Variants in FAAH2 observed in about 807,000 individuals in gnomAD.
FAAH2 encodes the protein fatty acid amide hydrolase 2.
In FAAH2, 60 loss-of-function variants were observed where a neutral mutation model predicts 36.9. The observed-to-expected ratio is 1.63, with a 90% CI of 1.32 to 2.02. The LOEUF (loss-of-function observed/expected upper bound fraction) is 2.02, where lower values mean the gene tolerates loss of function less well. Among genes scored for constraint, FAAH2 ranks in the 30% most tolerant of loss-of-function variants. The probability of loss-of-function intolerance (pLI) is 0.00; values close to 1 mark genes in which losing one functional copy is unlikely to be tolerated. For missense variants in FAAH2, 689 were observed against 397.5 expected (o/e 1.73, Z -6.23); for synonymous variants, 214 against 143.8 (o/e 1.49, Z -3.49).
chrX:57,356,715 G>GT (rs911900028), intron 5 of FAAH2, among the ~76,000 whole-genome samples: 3 of 109,370 alleles, frequency 2.7e-5, no homozygotes, highest in Admixed American at 1.9e-4. Flanking sequence ...TAATTTTGTT[G>GT]TTTTTTCTGT....
intron 5 of FAAH2, among the ~76,000 whole-genome samples, chrX:57,361,606 T>C (rs1031732936): frequency 3.6e-5 from 4 of 111,524 alleles, no homozygotes; most frequent in Non-Finnish European, 7.5e-5. Context: ...AAATTCCTCT[T>C]GTTATTGATT....
chrX:57,445,645 G>A (rs1190200719), intron 8 of FAAH2, among the ~76,000 whole-genome samples: 1 of 111,858 alleles, frequency 8.9e-6, no homozygotes, highest in East Asian at 2.8e-4. Context: ...TGTTATTGGG[G>A]ACTTCAGGAA....
the FAAH2 span, among the ~76,000 whole-genome samples, chrX:57,190,389 T>G: frequency 1.9e-5 from 2 of 107,436 alleles, no homozygotes; most frequent in Non-Finnish European, 3.8e-5. Flanking sequence ...TTCAGCCCCC[T>G]TTCCAGGGCA....
chrX:57,171,625 T>C, the FAAH2 span, among the ~76,000 whole-genome samples: 17 of 111,803 alleles, frequency 1.5e-4, no homozygotes, highest in Non-Finnish European at 3.0e-4. Flanking sequence ...TTTTTATTGC[T>C]GATTTGTTCG....
At chrX:57,434,453 G>A (rs1248225940) in intron 8 of FAAH2, among the ~76,000 whole-genome samples, 3 of 109,174 alleles carry the variant, frequency 2.7e-5, no homozygotes, top group African/African-American at 1.0e-4. Flanking sequence ...TTACTAAGAA[G>A]GTAGATTTTC....
chrX:57,466,494 A>G (rs777639433), intron 10 of FAAH2, among the ~76,000 whole-genome samples: 1 of 108,385 alleles, frequency 9.2e-6, no homozygotes, highest in Non-Finnish European at 1.9e-5. Context: ...AAAACGAGGC[A>G]TATAGAAAAC....
At chrX:57,478,627 C>T (rs763023320) in intron 10 of FAAH2, among the ~76,000 whole-genome samples, 25 of 111,572 alleles carry the variant, frequency 2.2e-4, no homozygotes, top group African/African-American at 7.5e-4. Context: ...TTAGGTGTAA[C>T]GTTTAAGTCT....
At chrX:57,179,262 A>T in the FAAH2 span, among the ~76,000 whole-genome samples, 3 of 111,986 alleles carry the variant, frequency 2.7e-5, no homozygotes, top group Non-Finnish European at 5.6e-5. Context: ...TGTCAAAGCC[A>T]CACATATCAA....
rs750362385 is a variant in FAAH2, at chrX:57,438,341, A to G, written c.1116+6304A>G. ...GTAGATGACACAAATAAATGGAGAA[A>G]CATCCCATGCTATTGGATTGGAAGA... On this transcript the variant is annotated intron_variant, in intron 8 of 10. Transcript: ENST00000374900. Among the ~76,000 whole-genome samples, 5 of 107,266 alleles carry G rather than the reference A, an allele frequency of 4.7e-5. No homozygotes were observed. The East Asian group carries it at 1.5e-3, about 31-fold the overall frequency. 93.1% of individuals were successfully genotyped at this position (107,266 alleles called of 115,157 possible).
chrX:57,380,850 A>G (rs2054825630), intron 6 of FAAH2, 62 bp from the exon 7 acceptor site: 7 of 706,798 alleles, frequency 9.9e-6, no homozygotes, highest in Non-Finnish European at 1.5e-5. Flanking sequence ...AGATGTCAGG[A>G]TTGAACTATT....
the FAAH2 span, among the ~76,000 whole-genome samples, chrX:57,175,607 A>G: frequency 1.8e-5 from 2 of 111,364 alleles, no homozygotes; most frequent in Non-Finnish European, 3.8e-5. Flanking sequence ...TCCAGTCTTC[A>G]TGTTGACTTT....
the FAAH2 span, among the ~76,000 whole-genome samples, chrX:57,162,645 G>T: frequency 2.7e-5 from 3 of 111,516 alleles, no homozygotes; most frequent in Non-Finnish European, 3.8e-5. Context: ...TCTTCCAGTT[G>T]ATCGCATCGG....
the FAAH2 span, among the ~76,000 whole-genome samples, chrX:57,141,372 T>C: frequency 8.9e-6 from 1 of 112,245 alleles, no homozygotes; most frequent in Admixed American, 9.5e-5. Flanking sequence ...TGTATATTTA[T>C]TGGTAATATT....
chrX:57,385,759 T>C (rs2055004339), intron 7 of FAAH2, among the ~76,000 whole-genome samples: 1 of 110,856 alleles, frequency 9.0e-6, no homozygotes, highest in African/African-American at 3.3e-5. Context: ...ATACAAAAAA[T>C]TAGCCGGGCG....
intron 8 of FAAH2, among the ~76,000 whole-genome samples, chrX:57,445,054 A>T (rs186863711): frequency 1.1e-3 from 122 of 111,726 alleles, no homozygotes; most frequent in African/African-American, 3.8e-3. Flanking sequence ...TACATTTATT[A>T]ATGTCTTAAC....
At chrX:57,291,859 C>A (rs1026377206) in intron 1 of FAAH2, among the ~76,000 whole-genome samples, 3 of 111,038 alleles carry the variant, frequency 2.7e-5, no homozygotes, top group Non-Finnish European at 3.8e-5. Flanking sequence ...TAACTTAAGA[C>A]CTTTGGTTTA....
the FAAH2 span, among the ~76,000 whole-genome samples, chrX:57,218,411 G>A: frequency 8.0e-5 from 9 of 111,989 alleles, no homozygotes; most frequent in East Asian, 2.8e-4. Flanking sequence ...AATCTAAAGC[G>A]ATGCTGGATT....
the FAAH2 span, among the ~76,000 whole-genome samples, chrX:57,267,420 G>C: frequency 3.6e-5 from 4 of 112,641 alleles, no homozygotes; most frequent in Admixed American, 3.8e-4. Context: ...AATCACGCAT[G>C]CTTGTGGGGC....
chrX:57,460,675 T>C (rs2056942488), intron 10 of FAAH2, among the ~76,000 whole-genome samples: 1 of 111,713 alleles, frequency 9.0e-6, no homozygotes, highest in Non-Finnish European at 1.9e-5. Context: ...AAGGAAAAAC[T>C]GGTACTAGCC....
Sources: gnomAD v4.1 joint callset for allele counts (sites outside exome capture counted in the v4.1 genomes callset) on GRCh38, gnomAD v4.1.1 for gene constraint, MANE v1.5 for transcripts, NCBI Gene and HGNC (gene_info 2026-07-23, HGNC 2026-07-21) for gene names.